The following MLLT10 variants were observed in gnomAD, a reference collection of about 807,000 sequenced individuals.
The protein encoded by MLLT10 is protein AF-10.
In MLLT10, 30 loss-of-function variants were observed where a neutral mutation model predicts 129.1. That is an observed-to-expected ratio of 0.23 (90% CI 0.17 to 0.32). MLLT10 has a LOEUF of 0.32. Among genes scored for constraint, MLLT10 ranks in the 10% least tolerant of loss-of-function variants. The pLI is 1.00. For synonymous variants in MLLT10, 490 were observed against 446.4 expected (o/e 1.10, Z -1.23); for missense variants, 1,119 against 1,268.3 (o/e 0.88, Z 1.79).
rs182877841 is a variant in MLLT10 at position 21,555,803 on chromosome 10, G to T, written c.240+16891G>T. 3.3e-5 allele frequency among the ~76,000 whole-genome samples: 5 copies of T among 151,624 alleles called. No homozygotes were observed. The East Asian group carries it at 9.7e-4, about 29-fold the overall frequency. ...CTGCCTCAGCCTCCTGAGTAGCTGG[G>T]TTTATAGGCATGCACCACGATGCCC... On this transcript the variant is annotated intron_variant, in intron 3 of 22. Transcript: ENST00000307729.
chr10:21,671,689 G>A (rs1017385603), intron 10 of MLLT10, among the ~76,000 whole-genome samples: 1 of 152,172 alleles, frequency 6.6e-6, no homozygotes, highest in Admixed American at 6.5e-5. Flanking sequence ...AGAGGCCGAG[G>A]TGGGAGGATT....
chr10:21,643,193 C>T (rs2048182616), intron 8 of MLLT10, among the ~76,000 whole-genome samples: 1 of 152,094 alleles, frequency 6.6e-6, no homozygotes, highest in Non-Finnish European at 1.5e-5. Context: ...CCACCATGCC[C>T]AGCTAATTTC....
At chr10:21,689,559 A>G (rs1298724684) in intron 13 of MLLT10, among the ~76,000 whole-genome samples, 2 of 92,722 alleles carry the variant, frequency 2.2e-5, no homozygotes, top group African/African-American at 4.4e-5. Context: ...ATATATATAT[A>G]TATATGTATA....
At chr10:21,728,884 T>TC (rs766161211) in intron 16 of MLLT10, among the ~76,000 whole-genome samples, 27 of 151,576 alleles carry the variant, frequency 1.8e-4, no homozygotes, top group African/African-American at 5.3e-4. Context: ...TTTTTTTTTT[T>TC]CCAAAATGAA....
intron 3 of MLLT10, among the ~76,000 whole-genome samples, chr10:21,566,552 TC>T (rs1210334859): frequency 6.6e-6 from 1 of 151,312 alleles, no homozygotes; most frequent in Non-Finnish European, 1.5e-5. Context: ...GGTCTTGAAC[TC>T]CCGGCCTTAG....
intron 3 of MLLT10, among the ~76,000 whole-genome samples, chr10:21,546,021 T>C (rs1478396415): frequency 1.3e-5 from 2 of 152,188 alleles, no homozygotes; most frequent in East Asian, 1.9e-4. Context: ...CAGTGACTTA[T>C]TAGAAATTTA....
Position 21,673,720 on chromosome 10 carries a change from T to C in MLLT10, c.1422T>C (p.Ser474=), listed in dbSNP as rs1238567736. 1 of 1,614,076 alleles carries C rather than the reference T, an allele frequency of 6.2e-7. No individual in the cohort carries two copies. The highest frequency in any genetic ancestry group is 8.5e-7 in the Non-Finnish European group (1 of 1,179,994). The part of the protein sequence containing the change: ...KEKKRKGNKQ[S]KHGPGRPKGN... ...AGAAAAGGAAAGGAAATAAACAAAG[T>C]AAGCATGGGCCTGGCAGACCCAAAG... The change falls in exon 11 of 23, where the codon AGT becomes AGC. Residue 474 remains serine, a synonymous_variant. Transcript: ENST00000307729.
intron 8 of MLLT10, among the ~76,000 whole-genome samples, chr10:21,629,116 C>T (rs1255161935): frequency 2.0e-5 from 3 of 150,984 alleles, no homozygotes; most frequent in Non-Finnish European, 4.4e-5. Flanking sequence ...TTTTTTGCTG[C>T]ATGAATTTTT....
chr10:21,731,094 G>C (rs1364150964), intron 17 of MLLT10, 40 bp downstream of exon 17: 14 of 1,557,898 alleles, frequency 9.0e-6, no homozygotes, highest in Non-Finnish European at 1.1e-5. Context: ...AAGACAGATG[G>C]GCAGATGGAC....
intron 22 of MLLT10, among the ~76,000 whole-genome samples, chr10:21,740,496 G>A (rs2058737127): frequency 6.6e-6 from 1 of 152,152 alleles, no homozygotes; most frequent in Non-Finnish European, 1.5e-5. Context: ...AAGTCATATG[G>A]GACAATCAAA....
At chr10:21,637,368 A>T (rs532738386) in intron 8 of MLLT10, among the ~76,000 whole-genome samples, 25 of 152,310 alleles carry the variant, frequency 1.6e-4, no homozygotes, top group African/African-American at 6.0e-4. Context: ...TTATTTAAAG[A>T]GTTCAGTAAG....
chr10:21,629,434 G>A (rs957010935), intron 8 of MLLT10, among the ~76,000 whole-genome samples: 1 of 151,924 alleles, frequency 6.6e-6, no homozygotes, highest in African/African-American at 2.4e-5. Flanking sequence ...TGTTCAGTAC[G>A]GGTAGGCACT....
chr10:21,560,446 C>T (rs569268950), intron 3 of MLLT10, among the ~76,000 whole-genome samples: 1 of 152,230 alleles, frequency 6.6e-6, no homozygotes, highest in East Asian at 1.9e-4. Flanking sequence ...GTTGTTCTTA[C>T]TGTTTTTGAG....
chr10:21,566,683 T>G (rs1162800522), intron 3 of MLLT10, among the ~76,000 whole-genome samples: 1 of 152,046 alleles, frequency 6.6e-6, no homozygotes, highest in African/African-American at 2.4e-5. Flanking sequence ...ACTTGAACAT[T>G]TTTGGAATTC....
At chr10:21,619,390 T>C (rs2045587393) in intron 8 of MLLT10, among the ~76,000 whole-genome samples, 1 of 152,204 alleles carries the variant, frequency 6.6e-6, no homozygotes, top group African/African-American at 2.4e-5. Context: ...TATATGATCG[T>C]ATTTATTTTA....
At chr10:21,736,603 A>C (rs1010384866) in intron 21 of MLLT10, among the ~76,000 whole-genome samples, 34 of 152,232 alleles carry the variant, frequency 2.2e-4, no homozygotes, top group African/African-American at 8.2e-4. Context: ...AGACAGAACC[A>C]ACAAGACTTG....
chr10:21,556,609 T>C, intron 3 of MLLT10: 4 of 1,545,152 alleles, frequency 2.6e-6, no homozygotes, highest in Non-Finnish European at 3.5e-6. Context: ...CGTTAGTATG[T>C]AGTGAATAAG....
chr10:21,722,617 G>C lies in MLLT10; in HGVS notation c.1879-3627G>C, dbSNP rs535868391. 1.4e-3 allele frequency among the ~76,000 whole-genome samples: 210 copies of C among 152,204 alleles called. 1 individual carries two copies. The highest frequency in any genetic ancestry group is 4.9e-3 in the African/African-American group (202 of 41,532). ...TATTAATGGCAGCAAAGGTTTTTGAGTCTATGAAACGCCAGACACTGTGTG... is the reference window on the plus strand; with the variant it reads ...TATTAATGGCAGCAAAGGTTTTTGACTCTATGAAACGCCAGACACTGTGTG... On this transcript the variant is annotated intron_variant, in intron 14 of 22. Coordinates refer to ENST00000307729, the MANE Select transcript of MLLT10 (RefSeq NM_001195626.3).
At chr10:21,671,191 G>A (rs994426807) in intron 10 of MLLT10, among the ~76,000 whole-genome samples, 8 of 152,214 alleles carry the variant, frequency 5.3e-5, no homozygotes, top group African/African-American at 1.9e-4. Flanking sequence ...GCCAGTTTTT[G>A]TATTTTAGTA....
Sources: allele counts gnomAD v4.1 joint callset (sites outside exome capture counted in the v4.1 genomes callset), GRCh38; gene constraint gnomAD v4.1.1; transcripts MANE v1.5; gene names NCBI Gene and HGNC (gene_info 2026-07-23, HGNC 2026-07-21).